PCDH15: variants seen among roughly 807,000 people sequenced by gnomAD.
PCDH15 encodes the protein protocadherin-15.
A neutral mutation model predicts 178.5 loss-of-function variants in PCDH15; 129 were observed. The ratio of observed to expected loss-of-function variants is 0.72; its 90% CI spans 0.63 to 0.84. The LOEUF (loss-of-function observed/expected upper bound fraction) is 0.84. PCDH15 is among the 40% of genes least tolerant of loss of function. The pLI, the probability that PCDH15 is intolerant of heterozygous loss-of-function variation, is 0.00. For missense variants in PCDH15, 2,230 were observed against 2,099.9 expected, an observed-to-expected ratio of 1.06 and a Z score of -1.21; for synonymous variants, 800 against 732.0, an observed-to-expected ratio of 1.09 and a Z score of -1.50.
At chr10:55,087,026 G>A (rs1180417478) in intron 2 of PCDH15, among the ~76,000 whole-genome samples, 1 of 151,984 alleles carries the variant, frequency 6.6e-6, no homozygotes, top group Middle Eastern at 3.2e-3. Context: ...TAAAATCAAA[G>A]TTTTACAAAC....
At chr10:55,607,140 T>C (rs1843239613) in intron 2 of PCDH15, among the ~76,000 whole-genome samples, 2 of 151,920 alleles carry the variant, frequency 1.3e-5, no homozygotes, top group South Asian at 4.2e-4. Context: ...AAAAAACACA[T>C]GAAAAAATGC....
Position 53,943,548 on chromosome 10 carries a change from A to G in PCDH15, c.3123-2573T>C, listed in dbSNP as rs114953216. On this transcript the variant is annotated intron_variant, in intron 23 of 37. Coordinates refer to ENST00000644397, the MANE Select transcript of PCDH15 (RefSeq NM_001384140.1). Reference sequence around the variant, plus strand: ...AAAAATGCTATGTCTTCTTTCAAATATTAAAAAATGCACGTGTACATTTTT... The same window carrying G: ...AAAAATGCTATGTCTTCTTTCAAATGTTAAAAAATGCACGTGTACATTTTT... 3.8e-3 allele frequency among the ~76,000 whole-genome samples: 573 copies of G among 152,298 alleles called. 1 individual carries two copies. Among genetic ancestry groups the G allele is most frequent in the African/African-American group, 0.013 (559 of 41,572 alleles).
chr10:54,544,771 T>C (rs1013308117), intron 2 of PCDH15, among the ~76,000 whole-genome samples: 4 of 152,102 alleles, frequency 2.6e-5, no homozygotes, highest in African/African-American at 9.7e-5. Flanking sequence ...AAAAAGAGGG[T>C]AAAACTACTA....
intron 2 of PCDH15, among the ~76,000 whole-genome samples, chr10:54,637,140 A>C (rs1308576660): frequency 6.6e-6 from 1 of 151,642 alleles, no homozygotes; most frequent in Non-Finnish European, 1.5e-5. Context: ...AAAAAAAAAA[A>C]ACAATTCAGG....
At chr10:54,343,644 C>CG (rs992022786) in intron 6 of PCDH15, among the ~76,000 whole-genome samples, 8 of 101,794 alleles carry the variant, frequency 7.9e-5, no homozygotes, top group East Asian at 4.4e-4. Context: ...TGTAGATTTG[C>CG]GGGGGGAGGT....
chr10:55,156,617 T>A (rs1460429010), intron 2 of PCDH15, among the ~76,000 whole-genome samples: 1 of 152,160 alleles, frequency 6.6e-6, no homozygotes, highest in Non-Finnish European at 1.5e-5. Flanking sequence ...ACTCTCTTAT[T>A]AGAGAAGTAG....
intron 2 of PCDH15, among the ~76,000 whole-genome samples, chr10:55,087,403 A>G (rs1433620757): frequency 6.6e-6 from 1 of 152,204 alleles, no homozygotes; most frequent in African/African-American, 2.4e-5. Flanking sequence ...TAACTATGAA[A>G]TGTGAAATGT....
chr10:53,813,988 G>A (rs937553256), intron 35 of PCDH15, among the ~76,000 whole-genome samples: 1 of 152,040 alleles, frequency 6.6e-6, no homozygotes, highest in African/African-American at 2.4e-5. Flanking sequence ...ATTATAGGAA[G>A]GTTGAAGTGT....
At chr10:55,420,522 AG>A (rs1236071766) in intron 2 of PCDH15, among the ~76,000 whole-genome samples, 1 of 151,228 alleles carries the variant, frequency 6.6e-6, no homozygotes, top group Non-Finnish European at 1.5e-5. Context: ...TGCATTTAGG[AG>A]GGGGATGACA....
rs1229315842 is a variant in PCDH15, at chr10:54,471,608, CTT to C, written c.157+56202_157+56203del. ...TAGTAGGCATTTAAAAAATAGCTGA[CTT>C]ATTGCAGAATCTTCTATTTTAAATT... On this transcript the variant is annotated intron_variant, in intron 3 of 37. Coordinates refer to ENST00000644397, the MANE Select transcript of PCDH15 (RefSeq NM_001384140.1). Among the ~76,000 whole-genome samples, 8 of 151,498 alleles carry C rather than the reference CTT, an allele frequency of 5.3e-5. No individual in the cohort carries two copies. The East Asian group carries it at 1.5e-3, about 29-fold the overall frequency.
chr10:55,452,448 T>C (rs1396993145), intron 2 of PCDH15, among the ~76,000 whole-genome samples: 1 of 152,192 alleles, frequency 6.6e-6, no homozygotes, highest in Middle Eastern at 3.2e-3. Context: ...TGCTGTATAA[T>C]GCTTATGTTC....
At chr10:54,184,676 C>T (rs1456657128) in intron 12 of PCDH15, among the ~76,000 whole-genome samples, 1 of 151,878 alleles carries the variant, frequency 6.6e-6, no homozygotes, top group Admixed American at 6.6e-5. Context: ...CCTATAGTAA[C>T]TACCCCTTCA....
Position 54,703,509 on chromosome 10 carries a change from C to T in PCDH15, c.-28-39219G>A, listed in dbSNP as rs183410707. Among the ~76,000 whole-genome samples the T allele has an allele frequency of 6.6e-5, 10 of 152,112 alleles. No homozygotes were observed. In the East Asian group the frequency reaches 1.9e-3, roughly 29 times the overall value. On this transcript the variant is annotated intron_variant, in intron 1 of 37. Coordinates refer to ENST00000644397, the MANE Select transcript of PCDH15 (RefSeq NM_001384140.1). Reference sequence around the variant, plus strand: ...AGTCTCTGCCCAAAAGCACCTAGATCTGATAAACAAATTCAGAAAAGTTTT... The same window carrying T: ...AGTCTCTGCCCAAAAGCACCTAGATTTGATAAACAAATTCAGAAAAGTTTT...
intron 2 of PCDH15, among the ~76,000 whole-genome samples, chr10:55,042,161 G>C (rs572651425): frequency 2.0e-5 from 3 of 152,150 alleles, no homozygotes; most frequent in African/African-American, 7.2e-5. Flanking sequence ...TGAGACTCTA[G>C]GAAATTCAGA....
chr10:54,068,687 T>C (rs1437934771), intron 17 of PCDH15, among the ~76,000 whole-genome samples: 2 of 152,178 alleles, frequency 1.3e-5, no homozygotes, highest in Non-Finnish European at 2.9e-5. Flanking sequence ...ACGGGTCACT[T>C]TGAAGAAGAA....
At chr10:54,335,858 G>A (rs2133986247) in intron 6 of PCDH15, among the ~76,000 whole-genome samples, 1 of 152,290 alleles carries the variant, frequency 6.6e-6, no homozygotes, top group Non-Finnish European at 1.5e-5. Flanking sequence ...GGCAGGCAGA[G>A]GTTGGAACAG....
At chr10:55,564,404 G>A (rs534875886) in intron 2 of PCDH15, among the ~76,000 whole-genome samples, 126 of 151,526 alleles carry the variant, frequency 8.3e-4, no homozygotes, top group African/African-American at 2.7e-3. Context: ...ATTAAAAAAC[G>A]TATGAAAGGA....
chr10:53,828,138 G>A (rs549928142), intron 31 of PCDH15, among the ~76,000 whole-genome samples: 2 of 144,980 alleles, frequency 1.4e-5, no homozygotes, highest in East Asian at 2.1e-4. Context: ...CCCGGGAGGC[G>A]GAGGTTGCAG....
At chr10:54,309,870 G>A (rs2060795703) in intron 8 of PCDH15, among the ~76,000 whole-genome samples, 1 of 151,936 alleles carries the variant, frequency 6.6e-6, no homozygotes, top group African/African-American at 2.4e-5. Context: ...TGACAAAGAA[G>A]TTTAAAGAAT....
Sources: gnomAD v4.1 joint callset for allele counts (sites outside exome capture counted in the v4.1 genomes callset) on GRCh38, gnomAD v4.1.1 for gene constraint, MANE v1.5 for transcripts, NCBI Gene and HGNC (gene_info 2026-07-23, HGNC 2026-07-21) for gene names.